The following TRMT44 variants were observed in gnomAD, a reference collection of about 807,000 sequenced individuals.
TRMT44 encodes probable tRNA (uracil-O(2)-)-methyltransferase.
TRMT44 carries 78 observed loss-of-function variants against 77.3 expected under a neutral mutation model. That is an observed-to-expected ratio of 1.01 (90% CI 0.84 to 1.22). TRMT44 has a LOEUF of 1.22. Among genes scored for constraint, TRMT44 ranks in the 50% most tolerant of loss-of-function variants. The probability of loss-of-function intolerance (pLI) is 0.00; values close to 1 mark genes in which losing one functional copy is unlikely to be tolerated. For synonymous variants in TRMT44, 391 were observed against 383.3 expected (o/e 1.02, Z -0.23); for missense variants, 1,090 against 964.4 (o/e 1.13, Z -1.73).
chr4:8,516,018 C>G, the TRMT44 span, among the ~76,000 whole-genome samples: 3 of 152,166 alleles, frequency 2.0e-5, no homozygotes, highest in African/African-American at 7.2e-5. Flanking sequence ...GTGGTCTCTC[C>G]CCCACGACAA....
intron 2 of TRMT44, among the ~76,000 whole-genome samples, chr4:8,487,712 G>T (rs1278872196): frequency 2.0e-5 from 3 of 151,990 alleles, no homozygotes; most frequent in Non-Finnish European, 4.4e-5. Flanking sequence ...GGGTTGAGGG[G>T]TTCTTGCCCC....
chr4:8,459,409 C>T (rs1726015552), intron 6 of TRMT44, among the ~76,000 whole-genome samples: 1 of 152,194 alleles, frequency 6.6e-6, no homozygotes, highest in African/African-American at 2.4e-5. Context: ...CTCTTATTAT[C>T]CCCATTTTAC....
At chr4:8,513,502 C>T in the TRMT44 span, among the ~76,000 whole-genome samples, 1 of 152,064 alleles carries the variant, frequency 6.6e-6, no homozygotes, top group African/African-American at 2.4e-5. Flanking sequence ...AACCAGGAAA[C>T]ATAAAGTCTA....
In TRMT44 at chr4:8,451,947, G is replaced by C; in HGVS notation, c.955-13G>C. On this transcript the variant is annotated splice_polypyrimidine_tract_variant and intron_variant, in intron 3 of 10. Coordinates refer to ENST00000389737, the MANE Select transcript of TRMT44 (RefSeq NM_152544.3). This position sits in a 1 kb window ranked among gnomAD's most constrained non-coding sequence, Gnocchi z 4.1. ...AACCGAACAATTTATGTTTGCTCTT[G>C]AAACTGTTTTAGGTGTGGCCTGAAG... The C allele has an allele frequency of 6.5e-7, 1 of 1,536,456 alleles. No individual in the cohort carries two copies. Among genetic ancestry groups the C allele is most frequent in the South Asian group, 1.2e-5 (1 of 84,036 alleles).
rs890303001 is a variant in TRMT44 at position 8,454,796 on chromosome 4, C to T, written c.1186C>T (p.Pro396Ser). Residue 396 changes from proline (P) to serine (S), a missense_variant, in exon 6 of 11, where the codon CCA becomes TCA. Pro to Ser is a moderately conservative substitution (Grantham distance 74). Transcript: ENST00000389737. ...RRRKIWDMYGPQTQLEEDAIT... is the reference protein window; with the variant it reads ...RRRKIWDMYGSQTQLEEDAIT... ...AAGAAAAATCTGGGACATGTATGGA[C>T]CACAAACTCAGTTAGAGGTACCGTC... The T allele has an allele frequency of 1.2e-6, 2 of 1,614,068 alleles. No homozygotes were observed. Among genetic ancestry groups the T allele is most frequent in the African/African-American group, 2.7e-5 (2 of 74,920 alleles).
At chr4:8,473,180 G>A (rs1437101027) in intron 10 of TRMT44, 1 of 152,280 alleles carries the variant, frequency 6.6e-6, no homozygotes, top group Non-Finnish European at 1.5e-5. Flanking sequence ...AATTGGAAAT[G>A]TTTCCAGATG....
Position 8,476,016 on chromosome 4 carries a change from A to C in TRMT44, c.*15A>C. On this transcript the variant is annotated 3_prime_UTR_variant, in exon 11 of 11. Transcript: ENST00000389737. ...AGATTTCATGAGCTGCATCCTTGCC[A>C]GCCGAGGCCTGGTTGGGGAGGCCAA... 7 of 1,610,892 alleles carry C rather than the reference A, an allele frequency of 4.3e-6. No individual in the cohort carries two copies. Among genetic ancestry groups the C allele is most frequent in the Non-Finnish European group, 5.1e-6 (6 of 1,177,938 alleles).
chr4:8,491,931 C>T (rs1030252519), intron 2 of TRMT44, among the ~76,000 whole-genome samples: 8 of 152,356 alleles, frequency 5.3e-5, no homozygotes, highest in African/African-American at 9.6e-5. Flanking sequence ...GCACTGAGAG[C>T]GAGCGAGGGC....
chr4:8,488,460 G>C (rs1727888799), intron 2 of TRMT44, among the ~76,000 whole-genome samples: 1 of 152,242 alleles, frequency 6.6e-6, no homozygotes. Context: ...AGGAGTGGGG[G>C]TCGCAAGGTG....
rs1314224850 is a variant in TRMT44, at chr4:8,452,561, C to T, written c.1024-321C>T. 1.3e-5 allele frequency among the ~76,000 whole-genome samples: 2 copies of T among 152,096 alleles called. No individual in the cohort carries two copies. Among genetic ancestry groups the T allele is most frequent in the African/African-American group, 4.8e-5 (2 of 41,416 alleles). ...ACCAGCCTGGCCAACATGGTGAAAC[C>T]CTGTCTCTACTAAAAATACAAAATT... On this transcript the variant is annotated intron_variant, in intron 4 of 10. Transcript: ENST00000389737. This position sits in a 1 kb window ranked among gnomAD's most constrained non-coding sequence, Gnocchi z 5.7.
intron 7 of TRMT44, 85 bp from the exon 8 acceptor site, chr4:8,465,293 C>T (rs950470982): frequency 1.6e-5 from 21 of 1,347,120 alleles, no homozygotes; most frequent in South Asian, 4.2e-5. Context: ...CCCTGATATG[C>T]GATTGCCGTG....
rs34873641 is a variant in TRMT44 at position 8,465,430 on chromosome 4, A to G, written c.1363A>G (p.Ile455Val). ...FVLPCCFFDF[I>V]GRYSRRQSKK... Reference sequence around the variant, plus strand: ...CCTCCCCTGCTGCTTCTTTGACTTCATTGGAAGATACTCCCGGAGGCAGAG... The same window carrying G: ...CCTCCCCTGCTGCTTCTTTGACTTCGTTGGAAGATACTCCCGGAGGCAGAG... The change falls in exon 8 of 11, where the codon ATT (isoleucine) becomes GTT (valine). Residue 455 changes from isoleucine (I) to valine (V), a missense_variant. By Grantham distance (29) the Ile-to-Val change is conservative. Transcript: ENST00000389737. The G allele has an allele frequency of 0.014, 22,287 of 1,613,864 alleles. 379 individuals carry two copies. The highest frequency in any genetic ancestry group is 0.065 in the African/African-American group (4,899 of 74,930).
At chr4:8,473,455 G>A (rs552755451) in intron 10 of TRMT44, 6 of 152,472 alleles carry the variant, frequency 3.9e-5, no homozygotes, top group African/African-American at 1.2e-4. Context: ...TGAGTGGAGA[G>A]GCCACGCCAC....
downstream of TRMT44, chr4:8,479,030 A>G (rs893291361): frequency 6.6e-6 from 1 of 152,310 alleles, no homozygotes; most frequent in Admixed American, 6.5e-5. Flanking sequence ...CGGGGTTGGC[A>G]GGGCAGGCTT....
chr4:8,453,028 C>T lies in TRMT44; in HGVS notation c.1131+39C>T, dbSNP rs1468198060. 5 of 1,306,558 alleles carry T rather than the reference C, an allele frequency of 3.8e-6. No individual in the cohort carries two copies. The Admixed American group carries it at 1.1e-4, about 28-fold the overall frequency. 80.9% of individuals were successfully genotyped at this position (1,306,558 alleles called of 1,614,324 possible). A position where few individuals can be genotyped will look rare whatever the true frequency, so the allele number is the denominator to read the frequency against. Reference sequence around the variant, plus strand: ...CCATCACCTTTTCTGGTAACTTGTCCAGAGTTTCCTCAAGTCAGGCACAGG... The same window carrying T: ...CCATCACCTTTTCTGGTAACTTGTCTAGAGTTTCCTCAAGTCAGGCACAGG... On this transcript the variant is annotated intron_variant, in intron 5 of 10. Coordinates refer to ENST00000389737, the MANE Select transcript of TRMT44 (RefSeq NM_152544.3).
downstream of TRMT44, among the ~76,000 whole-genome samples, chr4:8,494,842 T>A (rs888171564): frequency 6.6e-6 from 1 of 151,806 alleles, no homozygotes; most frequent in African/African-American, 2.4e-5. Context: ...TATATAGGGA[T>A]AAAATGGGAG....
chr4:8,487,497 G>C (rs1388674053), intron 2 of TRMT44, among the ~76,000 whole-genome samples: 1 of 151,810 alleles, frequency 6.6e-6, no homozygotes, highest in African/African-American at 2.4e-5. Context: ...AGAGATAAGA[G>C]GTCGGGGTGC....
At chr4:8,505,784 T>G in the TRMT44 span, among the ~76,000 whole-genome samples, 2 of 151,770 alleles carry the variant, frequency 1.3e-5, no homozygotes, top group Non-Finnish European at 2.9e-5. Flanking sequence ...TGGTGGGAGG[T>G]GATTGGATCA....
chr4:8,467,894 T>G lies in TRMT44; in HGVS notation c.1495-20T>G. 1 of 1,575,512 alleles carries G rather than the reference T, an allele frequency of 6.3e-7. No homozygotes were observed. The highest frequency in any genetic ancestry group is 8.6e-7 in the Non-Finnish European group (1 of 1,157,744). On this transcript the variant is annotated intron_variant, in intron 8 of 10. Coordinates refer to ENST00000389737, the MANE Select transcript of TRMT44 (RefSeq NM_152544.3). ...TAGACTAGCCAGCTAAAATACTTGC[T>G]TTGCTTTCTTCAAACGCAGGTCTGT...
Sources: allele counts gnomAD v4.1 joint callset (sites outside exome capture counted in the v4.1 genomes callset), GRCh38; gene constraint gnomAD v4.1.1; non-coding constraint Gnocchi (gnomAD v3.1); transcripts MANE v1.5; gene names NCBI Gene and HGNC (gene_info 2026-07-23, HGNC 2026-07-21).